FCGRT: variants seen among roughly 807,000 people sequenced by gnomAD.
FCGRT encodes the protein Fc gamma receptor and transporter, also known as IgG receptor FcRn large subunit p51.
FCGRT carries 13 observed loss-of-function variants against 35.7 expected under a neutral mutation model. The observed-to-expected ratio is 0.36, with a 90% CI of 0.24 to 0.58. FCGRT has a LOEUF of 0.58. Among genes scored for constraint, FCGRT ranks in the 20% least tolerant of loss-of-function variants. The probability of loss-of-function intolerance (pLI) is 0.77; values close to 1 mark genes in which losing one functional copy is unlikely to be tolerated. For synonymous variants in FCGRT, 233 were observed against 216.5 expected (o/e 1.08, Z -0.67); for missense variants, 455 against 474.9 (o/e 0.96, Z 0.39).
At chr19:49,521,266 G>C (rs922242574) in intron 4 of FCGRT, 2 of 152,178 alleles carry the variant, frequency 1.3e-5, no homozygotes, top group Non-Finnish European at 2.9e-5. Flanking sequence ...TTGTTGCCAA[G>C]GCTGGTCTAG....
intron 5 of FCGRT, chr19:49,524,988 C>A (rs1171552202): frequency 2.9e-6 from 2 of 689,918 alleles, no homozygotes; most frequent in African/African-American, 1.8e-5. Context: ...TCTGGCCTCA[C>A]TGAGTCTGAA....
chr19:49,524,469 G>A, intron 4 of FCGRT, 38 bp from the exon 5 acceptor site: 1 of 1,583,552 alleles, frequency 6.3e-7, no homozygotes, highest in South Asian at 1.1e-5. Context: ...GGGAGTGGTG[G>A]GCTCGCGACT....
At chr19:49,524,404 G>T (rs2080060119) in intron 4 of FCGRT, 103 bp from the exon 5 acceptor site, 1 of 1,292,914 alleles carries the variant, frequency 7.7e-7, no homozygotes, top group Non-Finnish European at 1.1e-6. Flanking sequence ...ATTATCTGCG[G>T]TTAGCACAGT....
Position 49,513,392 on chromosome 19 carries a change from CCT to C in FCGRT, c.-5_-4del. ...CGTGCCCCCTCCCGCCCCAGGTCGTCCTCTCAGCATGGGGGTCCCGCGGCCTC... is the reference window on the plus strand; with the variant it reads ...CGTGCCCCCTCCCGCCCCAGGTCGTCCTCAGCATGGGGGTCCCGCGGCCTC... On this transcript the variant is annotated 5_prime_UTR_variant, in exon 2 of 7. Transcript: ENST00000221466. The C allele has an allele frequency of 8.2e-7, 1 of 1,214,594 alleles. No homozygotes were observed. Among genetic ancestry groups the C allele is most frequent in the Non-Finnish European group, 1.0e-6 (1 of 968,004 alleles). The allele number at this position is 1,214,594 out of a possible 1,614,324, so 75.2% of individuals were successfully genotyped here.
Position 49,524,653 on chromosome 19 carries a change from G to C in FCGRT, c.748G>C (p.Gly250Arg). ...CGCTGGCACCGGCCAGGGTGACTTC[G>C]GCCCCAACAGTGACGGATCCTTCCA... ...LAAGTGQGDFGPNSDGSFHAS... is the reference protein window; with the variant it reads ...LAAGTGQGDFRPNSDGSFHAS... The change falls in exon 5 of 7, where the codon GGC (glycine) becomes CGC (arginine). Residue 250 changes from glycine to arginine, a missense_variant. Gly to Arg is a moderately radical substitution (Grantham distance 125). Around this residue, in one of 3 missense-constraint regions of FCGRT, gnomAD observed 312 missense variants for 296.1 expected, o/e 1.05. Coordinates refer to ENST00000221466, the MANE Select transcript of FCGRT (RefSeq NM_001136019.3). The C allele has an allele frequency of 1.2e-6, 2 of 1,607,258 alleles. No homozygotes were observed. The highest frequency in any genetic ancestry group is 1.1e-5 in the South Asian group (1 of 91,090).
chr19:49,521,777 C>T (rs1333656904), intron 4 of FCGRT: 1 of 151,828 alleles, frequency 6.6e-6, no homozygotes, highest in East Asian at 1.9e-4. Flanking sequence ...TCAAGCGATC[C>T]TCCCACCTTA....
At chr19:49,514,997 C>CTT (rs1176536865) in intron 4 of FCGRT, among the ~76,000 whole-genome samples, 6,245 of 141,398 alleles carry the variant, frequency 0.044, 481 homozygotes, top group African/African-American at 0.15. Flanking sequence ...TGGCTCCCCC[C>CTT]TTTTTTTTTT....
intron 4 of FCGRT, among the ~76,000 whole-genome samples, chr19:49,522,157 C>T (rs994025815): frequency 2.7e-5 from 4 of 150,348 alleles, no homozygotes; most frequent in Non-Finnish European, 5.9e-5. Context: ...TCATAACTCA[C>T]TCCAGCCTCA....
At chr19:49,516,089 C>A in intron 4 of FCGRT, 1 of 426,798 alleles carries the variant, frequency 2.3e-6, no homozygotes, top group Non-Finnish European at 4.6e-6. Context: ...GGAAGTGACA[C>A]ACATTCACCC....
chr19:49,516,706 A>G (rs996892479), intron 4 of FCGRT, among the ~76,000 whole-genome samples: 4 of 151,370 alleles, frequency 2.6e-5, no homozygotes, highest in Non-Finnish European at 2.9e-5. Flanking sequence ...ACAGGCACAC[A>G]CCACCATGCC....
At chr19:49,515,678 T>C (rs180910511) in intron 4 of FCGRT, among the ~76,000 whole-genome samples, 7 of 152,296 alleles carry the variant, frequency 4.6e-5, no homozygotes, top group Non-Finnish European at 7.4e-5. Context: ...TCTCTCACTT[T>C]GGCCTCCCAG....
chr19:49,514,546 T>C, intron 4 of FCGRT, 60 bp downstream of exon 4: 3 of 1,453,894 alleles, frequency 2.1e-6, no homozygotes, highest in Admixed American at 2.5e-5. Context: ...CCCACCTGCC[T>C]CAGTTCCCCT....
chr19:49,518,826 C>T (rs112225981), intron 4 of FCGRT, among the ~76,000 whole-genome samples: 3,351 of 152,062 alleles, frequency 0.022, 53 homozygotes, highest in Admixed American at 0.037. Flanking sequence ...TGAGCCACCG[C>T]GCTCGGCCGT....
intron 1 of FCGRT, 149 bp from the exon 2 acceptor site, chr19:49,513,238 C>A (rs1200748372): frequency 7.6e-6 from 3 of 397,336 alleles, no homozygotes; most frequent in African/African-American, 6.2e-5. Context: ...GGTGAAAGTT[C>A]TTCAGGTACG....
At chr19:49,521,380 G>A (rs1011906360) in intron 4 of FCGRT, among the ~76,000 whole-genome samples, 1 of 152,010 alleles carries the variant, frequency 6.6e-6, no homozygotes, top group Non-Finnish European at 1.5e-5. Flanking sequence ...GACCAGCCTG[G>A]CCAATATGGT....
In FCGRT at chr19:49,524,710, G is replaced by A. The variant is rs573657624; in HGVS notation, c.805G>A (p.Asp269Asn). The A allele has an allele frequency of 9.4e-6, 15 of 1,602,814 alleles. No homozygotes were observed. Among genetic ancestry groups the A allele is most frequent in the East Asian group, 8.9e-5 (4 of 44,874 alleles). Residue 269 changes from aspartate (D) to asparagine (N), a missense_variant, in exon 5 of 7, where the codon GAT becomes AAT. By Grantham distance (23) the Asp-to-Asn change is conservative. Coordinates refer to ENST00000221466, the MANE Select transcript of FCGRT (RefSeq NM_001136019.3). ...ASSSLTVKSG[D>N]EHHYCCIVQH... ...GTCGTCACTAACAGTCAAAAGTGGC[G>A]ATGAGCACCACTACTGCTGCATTGT...
Position 49,526,076 on chromosome 19 carries a change from A to C in FCGRT, c.1055A>C (p.Asp352Ala), listed in dbSNP as rs751398296. 3 of 1,613,756 alleles carry C rather than the reference A, an allele frequency of 1.9e-6. No homozygotes were observed. In the South Asian group the frequency reaches 3.3e-5, roughly 18 times the overall value. The change falls in exon 7 of 7, where the codon GAT becomes GCT. Residue 352 changes from aspartate to alanine, a missense_variant. This residue lies in a region of FCGRT where 312 missense variants were observed against 296.1 expected (regional missense o/e 1.05). Transcript: ENST00000221466. ...VLLPTPGEAQ[D>A]ADLKDVNVIP... The stretch of plus-strand genomic sequence containing the variant: ...CTGCCCACCCCAGGGGAGGCCCAGG[A>C]TGCTGATTTGAAGGATGTAAATGTG...
intron 2 of FCGRT, 194 bp downstream of exon 2, chr19:49,513,667 C>T (rs1601186007): frequency 2.1e-6 from 1 of 484,534 alleles, no homozygotes; most frequent in Non-Finnish European, 3.5e-6. Flanking sequence ...GTGTCTGTTT[C>T]CCTCTCTCTC....
chr19:49,521,536 C>T (rs568609253), intron 4 of FCGRT, among the ~76,000 whole-genome samples: 1 of 146,122 alleles, frequency 6.8e-6, no homozygotes, highest in South Asian at 2.1e-4. Context: ...TGCCACTGTA[C>T]TCCAGCCTGG....
Sources: gnomAD v4.1 joint callset for allele counts (sites outside exome capture counted in the v4.1 genomes callset) on GRCh38, gnomAD v4.1.1 for gene constraint, gnomAD v4.1.1 regional missense constraint, MANE v1.5 for transcripts, NCBI Gene and HGNC (gene_info 2026-07-23, HGNC 2026-07-21) for gene names.